HDAC4: variants seen among roughly 807,000 people sequenced by gnomAD.
HDAC4 encodes histone deacetylase A.
A neutral mutation model predicts 135.1 loss-of-function variants in HDAC4; 16 were observed. The ratio of observed to expected loss-of-function variants is 0.12; its 90% CI spans 0.08 to 0.18. The LOEUF is 0.18. Among genes scored for constraint, HDAC4 ranks in the 10% least tolerant of loss-of-function variants. HDAC4 has a pLI of 1.00. For synonymous variants in HDAC4, 685 were observed against 653.4 expected, an observed-to-expected ratio of 1.05 and a Z score of -0.74; for missense variants, 1,143 against 1,511.8, an observed-to-expected ratio of 0.76 and a Z score of 4.05.
In HDAC4 at chr2:239,306,949, C is replaced by G. The variant is rs541765562; in HGVS notation, c.22+45729G>C. 2.0e-5 allele frequency among the ~76,000 whole-genome samples: 3 copies of G among 152,182 alleles called. No individual in the cohort carries two copies. The East Asian group carries it at 5.8e-4, about 30-fold the overall frequency. On this transcript the variant is annotated intron_variant, in intron 2 of 26. Coordinates refer to ENST00000543185, the MANE Select transcript of HDAC4 (RefSeq NM_001378414.1). This position sits in a 1 kb window ranked among gnomAD's most constrained non-coding sequence, Gnocchi z 4.5. ...TGCACCTCCCCAAGGGCGCCTGCAC[C>G]CTGGGCCCAGGGTAACCCAGAAGCA...
At chr2:239,373,756 TTTC>T (rs1694798924) in intron 1 of HDAC4, among the ~76,000 whole-genome samples, 1 of 152,242 alleles carries the variant, frequency 6.6e-6, no homozygotes, top group Non-Finnish European at 1.5e-5. Flanking sequence ...AAAACTCTCA[TTTC>T]TTCATTGACT....
intron 3 of HDAC4, among the ~76,000 whole-genome samples, chr2:239,217,685 G>A (rs1445076567): frequency 6.6e-6 from 1 of 152,072 alleles, no homozygotes; most frequent in South Asian, 2.1e-4. Context: ...AAGAGAGCAC[G>A]GCCTTCCAAA....
rs575596840 is a variant in HDAC4 at position 239,396,386 on chromosome 2, A to C, written c.-220+4592T>G. ...CTACATGCCAGGCCCTATTCAAGGA[A>C]ATTTCCATACATTAACTTAAACTTT... On this transcript the variant is annotated intron_variant, in intron 1 of 26. Coordinates refer to ENST00000543185, the MANE Select transcript of HDAC4 (RefSeq NM_001378414.1). Among the ~76,000 whole-genome samples, 55 of 152,302 alleles carry C rather than the reference A, an allele frequency of 3.6e-4. No homozygotes were observed. In the South Asian group the frequency reaches 0.011, roughly 32 times the overall value.
At chr2:239,225,580 G>A (rs1341237584) in intron 3 of HDAC4, among the ~76,000 whole-genome samples, 5 of 152,214 alleles carry the variant, frequency 3.3e-5, no homozygotes, top group Non-Finnish European at 5.9e-5. Flanking sequence ...GAGCAGGAGA[G>A]GGAAGCCAGG....
chr2:239,224,827 C>T (rs2153139109), intron 3 of HDAC4, among the ~76,000 whole-genome samples: 1 of 152,354 alleles, frequency 6.6e-6, no homozygotes, highest in South Asian at 2.1e-4. Context: ...TGCTCACTCT[C>T]CTCCACAGCG....
chr2:239,399,420 G>GCCA (rs753806638), intron 1 of HDAC4, among the ~76,000 whole-genome samples: 3 of 151,934 alleles, frequency 2.0e-5, no homozygotes, highest in African/African-American at 7.3e-5. Context: ...CCTCTCCCCA[G>GCCA]CCACCACCAC....
intron 3 of HDAC4, among the ~76,000 whole-genome samples, chr2:239,215,917 C>T (rs368915980): frequency 2.6e-5 from 4 of 152,192 alleles, no homozygotes; most frequent in East Asian, 1.9e-4. Flanking sequence ...TTAAAGTCCC[C>T]AAGTAAATAT....
At chr2:239,155,858 G>A (rs144687145) in intron 7 of HDAC4, among the ~76,000 whole-genome samples, 1 of 152,320 alleles carries the variant, frequency 6.6e-6, no homozygotes, top group African/African-American at 2.4e-5. Context: ...ATGAGGCACT[G>A]CCCGCCCTCA....
intron 2 of HDAC4, among the ~76,000 whole-genome samples, chr2:239,323,405 C>T (rs2053376366): frequency 1.3e-5 from 2 of 152,164 alleles, no homozygotes; most frequent in African/African-American, 2.4e-5. Context: ...CATCTTTCAG[C>T]ATTGTTGGAT....
intron 3 of HDAC4, among the ~76,000 whole-genome samples, chr2:239,195,526 C>T (rs780170400): frequency 2.0e-5 from 3 of 152,200 alleles, no homozygotes; most frequent in Non-Finnish European, 4.4e-5. Flanking sequence ...ATCGCATTCA[C>T]GCATTCGTGC....
rs3828220 is a variant in HDAC4, at chr2:239,181,441, C to T, written c.340-4878G>A. On this transcript the variant is annotated intron_variant, in intron 4 of 26. Coordinates refer to ENST00000543185, the MANE Select transcript of HDAC4 (RefSeq NM_001378414.1). Reference sequence around the variant, plus strand: ...GGGCACCCACCACGCCCGGCAGCAGCGTGTGCGCAGGAGGGGCAGGGAGGG... The same window carrying T: ...GGGCACCCACCACGCCCGGCAGCAGTGTGTGCGCAGGAGGGGCAGGGAGGG... Among the ~76,000 whole-genome samples the T allele has an allele frequency of 7.5e-3, 1,139 of 152,362 alleles. 38 individuals carry two copies. The highest frequency in any genetic ancestry group is 0.047 in the Admixed American group (724 of 15,312).
chr2:239,236,985 C>T (rs2047923405), intron 2 of HDAC4, among the ~76,000 whole-genome samples: 1 of 152,148 alleles, frequency 6.6e-6, no homozygotes, highest in East Asian at 1.9e-4. Flanking sequence ...CTGCAGACCA[C>T]AAGCATTAAG....
chr2:239,336,281 A>C (rs1236911341), intron 2 of HDAC4, among the ~76,000 whole-genome samples: 1 of 152,200 alleles, frequency 6.6e-6, no homozygotes, highest in African/African-American at 2.4e-5. Context: ...CCATTTCACA[A>C]TCTGGGTAGC....
chr2:239,236,362 A>G (rs906741426), intron 3 of HDAC4, among the ~76,000 whole-genome samples: 1 of 152,184 alleles, frequency 6.6e-6, no homozygotes, highest in Non-Finnish European at 1.5e-5. Flanking sequence ...CAGAGAGAAA[A>G]AAAACAACAA....
At chr2:239,248,342 G>A (rs1218643457) in intron 2 of HDAC4, among the ~76,000 whole-genome samples, 1 of 152,016 alleles carries the variant, frequency 6.6e-6, no homozygotes, top group Non-Finnish European at 1.5e-5. Flanking sequence ...CACCACGCCT[G>A]GCTAATTTTT....
intron 2 of HDAC4, among the ~76,000 whole-genome samples, chr2:239,304,699 G>GGT (rs2052474186): frequency 6.6e-6 from 1 of 152,198 alleles, no homozygotes; most frequent in African/African-American, 2.4e-5. Flanking sequence ...TCTCAACGAA[G>GGT]GTGTGACCCT....
At chr2:239,202,380 A>C (rs1418693455) in intron 3 of HDAC4, among the ~76,000 whole-genome samples, 6 of 152,224 alleles carry the variant, frequency 3.9e-5, no homozygotes, top group African/African-American at 1.4e-4. Context: ...GAGAAGAAAC[A>C]GGTAACACCT....
chr2:239,383,888 A>T (rs2126069302), intron 1 of HDAC4, among the ~76,000 whole-genome samples: 1 of 152,358 alleles, frequency 6.6e-6, no homozygotes, highest in Middle Eastern at 3.4e-3. Flanking sequence ...AGACAGCATC[A>T]GCCCCGCCAA....
rs3791563 is a variant in HDAC4, at chr2:239,192,114, A to G, written c.95-2037T>C. The stretch of plus-strand genomic sequence containing the variant: ...ATTTGCTATTATGTGAGAAGAATCT[A>G]CGCACATAAACTGCGTGTTCAATGT... On this transcript the variant is annotated intron_variant, in intron 3 of 26. Coordinates refer to ENST00000543185, the MANE Select transcript of HDAC4 (RefSeq NM_001378414.1). 2.2e-3 allele frequency among the ~76,000 whole-genome samples: 342 copies of G among 152,250 alleles called. 10 individuals carry two copies. In the East Asian group the frequency reaches 0.044, roughly 19 times the overall value.
Sources: allele counts gnomAD v4.1 joint callset (sites outside exome capture counted in the v4.1 genomes callset), GRCh38; gene constraint gnomAD v4.1.1; non-coding constraint Gnocchi (gnomAD v3.1); transcripts MANE v1.5; gene names NCBI Gene and HGNC (gene_info 2026-07-23, HGNC 2026-07-21).